The following TENT4B variants were observed in gnomAD, a reference collection of about 807,000 sequenced individuals.
The protein encoded by TENT4B is terminal nucleotidyltransferase 4B, also known as PAP associated domain containing 5.
Under a neutral mutation model 75.0 loss-of-function variants are expected in TENT4B, and 10 were observed. The ratio of observed to expected loss-of-function variants is 0.13; its 90% confidence interval spans 0.08 to 0.23. TENT4B has a LOEUF of 0.23. Among genes scored for constraint, TENT4B ranks in the 10% least tolerant of loss-of-function variants. The pLI, the probability that TENT4B is intolerant of heterozygous loss-of-function variation, is 1.00. For missense variants in TENT4B, 579 were observed against 893.8 expected (o/e 0.65, Z 4.49); for synonymous variants, 350 against 357.7 (o/e 0.98, Z 0.24).
rs1369450881 is a variant in TENT4B, at chr16:50,224,560, A to G, written c.1382-97A>G. On this transcript the variant is annotated intron_variant, in intron 7 of 11. Coordinates refer to ENST00000561678, the MANE Select transcript of TENT4B (RefSeq NM_001365324.3). Reference sequence around the variant, plus strand: ...AGCTTCCAGGCACAACTCTGGTGGGATAACTATGGCCCTTGCTCTCCTGGA... The same window carrying G: ...AGCTTCCAGGCACAACTCTGGTGGGGTAACTATGGCCCTTGCTCTCCTGGA... 4.7e-6 allele frequency: 7 copies of G among 1,483,000 alleles called. No individual in the cohort carries two copies. In the Admixed American group the frequency reaches 9.6e-5, roughly 20 times the overall value. The allele number at this position is 1,483,000 out of a possible 1,614,324, so 91.9% of individuals were successfully genotyped here. A position where few individuals can be genotyped will look rare whatever the true frequency, so the allele number is the denominator to read the frequency against.
intron 1 of TENT4B, among the ~76,000 whole-genome samples, chr16:50,182,123 T>C (rs2038427083): frequency 3.3e-5 from 5 of 152,090 alleles, no homozygotes; most frequent in Admixed American, 3.3e-4. Context: ...AAAAATTTGC[T>C]GGATGCAGTG....
chr16:50,196,144 G>C (rs1268247925), intron 1 of TENT4B, among the ~76,000 whole-genome samples: 3 of 152,140 alleles, frequency 2.0e-5, no homozygotes, highest in African/African-American at 7.2e-5. Flanking sequence ...TGAGGGATTT[G>C]ATAAGATGAA....
At chr16:50,203,844 G>A (rs1172061398) in intron 1 of TENT4B, among the ~76,000 whole-genome samples, 5 of 152,196 alleles carry the variant, frequency 3.3e-5, no homozygotes, top group African/African-American at 1.2e-4. Flanking sequence ...CACAGAGCCC[G>A]AAGCAGGAAG....
Position 50,234,135 on chromosome 16 carries a change from GT to G in TENT4B, c.*4808del, listed in dbSNP as rs2032378292. ...GATGCCTAGAAACAAAACGCATATA[GT>G]ACCAGTGAGAAACTATGAAGTAAAC... On this transcript the variant is annotated 3_prime_UTR_variant, in exon 12 of 12. Coordinates refer to ENST00000561678, the MANE Select transcript of TENT4B (RefSeq NM_001365324.3). 1.0e-6 allele frequency: 1 copy of G among 985,456 alleles called. No individual in the cohort carries two copies. The highest frequency in any genetic ancestry group is 6.1e-5 in the Admixed American group (1 of 16,288). The allele number at this position is 985,456 out of a possible 1,614,324, so 61.0% of individuals were successfully genotyped here.
At position 50,201,485 on chromosome 16, in the gene TENT4B, C is replaced by T. The variant is rs553146895; in HGVS notation, c.639-9838C>T. Reference sequence around the variant, plus strand: ...CTGGGAGGCAGAGGTTGCAGTGAGCCGAGATCGCGCCACTGCACTCCAACC... The same window carrying T: ...CTGGGAGGCAGAGGTTGCAGTGAGCTGAGATCGCGCCACTGCACTCCAACC... On this transcript the variant is annotated intron_variant, in intron 1 of 11. Coordinates refer to ENST00000561678, the MANE Select transcript of TENT4B (RefSeq NM_001365324.3). Among the ~76,000 whole-genome samples the T allele has an allele frequency of 1.6e-4, 24 of 151,434 alleles. 1 individual carries two copies. The highest frequency in any genetic ancestry group is 3.9e-4 in the Admixed American group (6 of 15,200).
chr16:50,213,091 G>A (rs370541877), intron 2 of TENT4B, among the ~76,000 whole-genome samples: 16 of 151,656 alleles, frequency 1.1e-4, no homozygotes, highest in African/African-American at 3.2e-4. Flanking sequence ...ATGGAGTCTC[G>A]CTCTGTCGCC....
intron 2 of TENT4B, 28 bp downstream of exon 2, chr16:50,211,474 T>C: frequency 6.5e-7 from 1 of 1,545,476 alleles, no homozygotes; most frequent in Non-Finnish European, 8.7e-7. Flanking sequence ...TAGCTTATGC[T>C]TCGGACAGTC....
chr16:50,233,052 G>T lies in TENT4B; in HGVS notation c.*3724G>T. Reference sequence around the variant, plus strand: ...CATTAAACTTTCAGTTATTGGAAAGGCACATTCTCAAAGTATTTTATGAGC... The same window carrying T: ...CATTAAACTTTCAGTTATTGGAAAGTCACATTCTCAAAGTATTTTATGAGC... On this transcript the variant is annotated 3_prime_UTR_variant, in exon 12 of 12. Coordinates refer to ENST00000561678, the MANE Select transcript of TENT4B (RefSeq NM_001365324.3). The T allele has an allele frequency of 5.1e-6, 5 of 984,836 alleles. No homozygotes were observed. Among genetic ancestry groups the T allele is most frequent in the Non-Finnish European group, 6.0e-6 (5 of 829,448 alleles). 61.0% of individuals were successfully genotyped at this position (984,836 alleles called of 1,614,324 possible). A position where few individuals can be genotyped will look rare whatever the true frequency, so the allele number is the denominator to read the frequency against.
At chr16:50,165,517 T>C (rs1010802519) in intron 1 of TENT4B, among the ~76,000 whole-genome samples, 1 of 152,160 alleles carries the variant, frequency 6.6e-6, no homozygotes, top group Non-Finnish European at 1.5e-5. Context: ...TGTACAACCA[T>C]CGCAACTAAT....
In TENT4B at chr16:50,154,081, G is replaced by A. The variant is rs1444818239; in HGVS notation, c.460G>A (p.Ala154Thr). The A allele has an allele frequency of 3.3e-6, 5 of 1,529,950 alleles. No individual in the cohort carries two copies. In the East Asian group the frequency reaches 9.9e-5, roughly 30 times the overall value. 94.8% of individuals were successfully genotyped at this position (1,529,950 alleles called of 1,614,324 possible). ...AVPAADPADS[A>T]SGSSNKRKRD... ...CCCCGCCGCCGATCCAGCCGATTCGGCCTCGGGCAGCAGCAACAAGAGGAA... is the reference window on the plus strand; with the variant it reads ...CCCCGCCGCCGATCCAGCCGATTCGACCTCGGGCAGCAGCAACAAGAGGAA... Residue 154 changes from alanine to threonine, a missense_variant, in exon 1 of 12, where the codon GCC becomes ACC. This residue lies in a region of TENT4B where 253 missense variants were observed against 270.1 expected (regional missense o/e 0.94). Coordinates refer to ENST00000561678, the MANE Select transcript of TENT4B (RefSeq NM_001365324.3).
chr16:50,160,224 T>G (rs1226886254), intron 1 of TENT4B, among the ~76,000 whole-genome samples: 1 of 152,220 alleles, frequency 6.6e-6, no homozygotes, highest in African/African-American at 2.4e-5. Context: ...TTCCACAACT[T>G]CCATCTTTTA....
rs1235866272 is a variant in TENT4B at position 50,234,869 on chromosome 16, T to C, written c.*5541T>C. The C allele has an allele frequency of 1.0e-6, 1 of 985,702 alleles. No individual in the cohort carries two copies. The highest frequency in any genetic ancestry group is 6.1e-5 in the Admixed American group (1 of 16,278). 61.1% of individuals were successfully genotyped at this position (985,702 alleles called of 1,614,324 possible). A position where few individuals can be genotyped will look rare whatever the true frequency, so the allele number is the denominator to read the frequency against. ...ATAGATAACGTGTATTTAGAAACTT[T>C]GGTGAAGCCAGTATTTGTTTTTAGT... On this transcript the variant is annotated 3_prime_UTR_variant, in exon 12 of 12. Transcript: ENST00000561678.
intron 1 of TENT4B, among the ~76,000 whole-genome samples, chr16:50,179,970 T>A (rs2038380958): frequency 6.6e-6 from 1 of 152,048 alleles, no homozygotes; most frequent in African/African-American, 2.4e-5. Flanking sequence ...TAGTGATAAC[T>A]CCTAAAGCAG....
chr16:50,153,803 G>A lies in TENT4B; in HGVS notation c.182G>A (p.Gly61Glu). 8.3e-7 allele frequency: 1 copy of A among 1,210,800 alleles called. No homozygotes were observed. The highest frequency in any genetic ancestry group is 1.0e-6 in the Non-Finnish European group (1 of 976,434). 75.0% of individuals were successfully genotyped at this position (1,210,800 alleles called of 1,614,324 possible). A position where few individuals can be genotyped will look rare whatever the true frequency, so the allele number is the denominator to read the frequency against. Residue 61 changes from glycine (G) to glutamate (E), a missense_variant, in exon 1 of 12, where the codon GGG (glycine) becomes GAG (glutamate). Physicochemically the swap from Gly to Glu is moderately conservative, Grantham distance 98 (BLOSUM62 -2). Coordinates refer to ENST00000561678, the MANE Select transcript of TENT4B (RefSeq NM_001365324.3). ...SSSSSSTATG[G>E]SGSSTGSPGG... ...AGCAGCAGCAGCACGGCCACCGGCG[G>A]GAGCGGCAGCAGCACCGGCAGCCCC...
At chr16:50,172,824 A>G (rs151092590) in intron 1 of TENT4B, among the ~76,000 whole-genome samples, 11 of 152,084 alleles carry the variant, frequency 7.2e-5, no homozygotes, top group African/African-American at 2.4e-4. Context: ...CCCTCCATCT[A>G]CCTGAACCCC....
chr16:50,161,933 C>T (rs1394138143), intron 1 of TENT4B, among the ~76,000 whole-genome samples: 1 of 151,940 alleles, frequency 6.6e-6, no homozygotes, highest in Non-Finnish European at 1.5e-5. Context: ...AGAGCTACTC[C>T]ATCACCTCAG....
intron 1 of TENT4B, among the ~76,000 whole-genome samples, chr16:50,174,523 G>A (rs770884323): frequency 6.6e-6 from 1 of 152,032 alleles, no homozygotes; most frequent in Non-Finnish European, 1.5e-5. Flanking sequence ...CATACAATGT[G>A]GATCAAATCA....
intron 1 of TENT4B, among the ~76,000 whole-genome samples, chr16:50,182,042 A>G (rs766908163): frequency 1.3e-5 from 2 of 152,172 alleles, no homozygotes; most frequent in Non-Finnish European, 2.9e-5. Context: ...CGAGGTGGGC[A>G]GATTGCTTGA....
At chr16:50,194,684 C>G (rs927865090) in intron 1 of TENT4B, among the ~76,000 whole-genome samples, 3 of 151,870 alleles carry the variant, frequency 2.0e-5, no homozygotes, top group Non-Finnish European at 2.9e-5. Context: ...CCTCCACCCC[C>G]ACCCGCTCCT....
Sources: gnomAD v4.1 joint callset for allele counts (sites outside exome capture counted in the v4.1 genomes callset) on GRCh38, gnomAD v4.1.1 for gene constraint, gnomAD v4.1.1 regional missense constraint, MANE v1.5 for transcripts, NCBI Gene and HGNC (gene_info 2026-07-23, HGNC 2026-07-21) for gene names.